Variants in MRPL43 observed in about 807,000 individuals in gnomAD.
The protein encoded by MRPL43 is mitochondrial ribosomal protein L43.
In MRPL43, 9 loss-of-function variants were observed where a neutral mutation model predicts 12.7. That is an observed-to-expected ratio of 0.71 (90% CI 0.43 to 1.24). The LOEUF (loss-of-function observed/expected upper bound fraction) is 1.24, where lower values mean the gene tolerates loss of function less well. Ranked by LOEUF, MRPL43 falls within the 50% of genes most tolerant of loss-of-function variation. MRPL43 has a pLI of 0.00. For missense variants in MRPL43, 211 were observed against 229.2 expected (o/e 0.92, Z 0.51); for synonymous variants, 116 against 96.4 (o/e 1.20, Z -1.19).
At chr10:100,979,760 G>C, downstream of MRPL43, 1 of 1,517,370 alleles carries the variant, frequency 6.6e-7, no homozygotes, top group Non-Finnish European at 9.0e-7. Context: ...GGTTGGCCAG[G>C]GTAACAGTGA....
At chr10:100,980,253 G>A (rs1182151325), downstream of MRPL43, 7 of 1,614,122 alleles carry the variant, frequency 4.3e-6, no homozygotes, top group Non-Finnish European at 5.9e-6. Context: ...GGCCCCTGCT[G>A]CTCAAGCGCA....
chr10:100,978,023 T>A, downstream of MRPL43: 1 of 571,794 alleles, frequency 1.7e-6, no homozygotes, highest in South Asian at 2.1e-5. Context: ...CAGCATGTGT[T>A]CCACAGGATG....
downstream of MRPL43, chr10:100,981,444 G>C (rs756459714): frequency 6.2e-7 from 1 of 1,614,140 alleles, no homozygotes; most frequent in Non-Finnish European, 8.5e-7. Context: ...GATGTGAAGT[G>C]TCTTGTCACT....
At chr10:100,983,528 C>A, downstream of MRPL43, 1 of 1,614,172 alleles carries the variant, frequency 6.2e-7, no homozygotes, top group Non-Finnish European at 8.5e-7. Flanking sequence ...AGGAAAATGG[C>A]CTCCGCACCC....
In MRPL43 at chr10:100,986,568, A is replaced by T. The variant is rs1851485588; in HGVS notation, c.*166T>A. On this transcript the variant is annotated 3_prime_UTR_variant, in exon 3 of 3. Coordinates refer to ENST00000318364, the MANE Select transcript of MRPL43 (RefSeq NM_032112.3). ...TCACAAGGTCACTGCCCCCAGAAGC[A>T]GGCACTGGAAAGAAACAGGCAGCTC... 4 of 1,578,850 alleles carry T rather than the reference A, an allele frequency of 2.5e-6. No homozygotes were observed. Among genetic ancestry groups the T allele is most frequent in the Non-Finnish European group, 3.4e-6 (4 of 1,162,594 alleles).
chr10:100,980,850 G>A, downstream of MRPL43: 2 of 1,595,074 alleles, frequency 1.3e-6, no homozygotes, highest in South Asian at 1.1e-5. Flanking sequence ...GCTCCTAGCG[G>A]AGTCATCCAG....
rs200237209 is a variant in MRPL43, at chr10:100,987,193, C to T, written c.135G>A (p.Glu45=). Residue 45 remains glutamate, a synonymous_variant, in exon 2 of 3, where the codon GAG becomes GAA. Transcript: ENST00000318364. ...RDGASSRGAR[E]FVEREVIDFA... ...AGTCGATCACCTCCCGCTCCACGAA[C>T]TCCCTAAGCGACCCGGGACAGTGAG... The T allele has an allele frequency of 6.2e-7, 1 of 1,613,892 alleles. No individual in the cohort carries two copies. The highest frequency in any genetic ancestry group is 1.1e-5 in the South Asian group (1 of 91,090).
chr10:100,982,208 AGCAGAGGGAGCAGCAG>A (rs1247074328), downstream of MRPL43, among the ~76,000 whole-genome samples: 1 of 151,964 alleles, frequency 6.6e-6, no homozygotes, highest in Admixed American at 6.6e-5. Flanking sequence ...GTGACATGCA[AGCAGAGGGAGCAGCAG>A]GCAGAGGGAG....
At chr10:100,983,525 T>C (rs754482102), downstream of MRPL43, 1 of 1,614,000 alleles carries the variant, frequency 6.2e-7, no homozygotes, top group East Asian at 2.2e-5. Flanking sequence ...CCGAGGAAAA[T>C]GGCCTCCGCA....
downstream of MRPL43, chr10:100,980,735 A>T: frequency 6.2e-7 from 1 of 1,607,658 alleles, no homozygotes; most frequent in Non-Finnish European, 8.5e-7. Flanking sequence ...TTGCTGAAAT[A>T]GGAAGAGGGA....
chr10:100,984,929 CAT>C, downstream of MRPL43: 9 of 1,442,426 alleles, frequency 6.2e-6, no homozygotes, highest in African/African-American at 1.4e-5. Flanking sequence ...TCCCCATGCA[CAT>C]GTGGTAACAC....
downstream of MRPL43, chr10:100,979,910 C>T (rs1399753855): frequency 1.9e-6 from 3 of 1,614,126 alleles, no homozygotes; most frequent in South Asian, 3.3e-5. Context: ...GCTGTCTTTG[C>T]AGGACCCTAT....
At chr10:100,981,671 G>T, downstream of MRPL43, 1 of 1,195,700 alleles carries the variant, frequency 8.4e-7, no homozygotes, top group Non-Finnish European at 1.2e-6. Flanking sequence ...TGAGAAAGGT[G>T]CCATTATTAT....
chr10:100,978,397 G>A, downstream of MRPL43: 1 of 1,611,914 alleles, frequency 6.2e-7, no homozygotes. Flanking sequence ...TGGTGAGCAG[G>A]CCTTCTTCCC....
chr10:100,981,024 A>C, downstream of MRPL43: 1 of 1,592,938 alleles, frequency 6.3e-7, no homozygotes, highest in South Asian at 1.1e-5. Context: ...GGTGACAGTC[A>C]CATGTGGTCT....
At chr10:100,983,454 G>A (rs374200198), downstream of MRPL43, 35 of 1,614,002 alleles carry the variant, frequency 2.2e-5, no homozygotes, top group Non-Finnish European at 2.7e-5. Context: ...CCGTGTGGGC[G>A]TGGACGGGCT....
chr10:100,986,427 CTG>C lies in MRPL43; in HGVS notation c.*305_*306del. ...CAGAAGCCAGCCTTCAGACCTCTCA[CTG>C]TGTTTTGAGATCATTATTATCAATT... On this transcript the variant is annotated 3_prime_UTR_variant, in exon 3 of 3. Coordinates refer to ENST00000318364, the MANE Select transcript of MRPL43 (RefSeq NM_032112.3). 7 of 1,504,720 alleles carry C rather than the reference CTG, an allele frequency of 4.7e-6. No homozygotes were observed. Among genetic ancestry groups the C allele is most frequent in the Non-Finnish European group, 6.2e-6 (7 of 1,128,386 alleles). 93.2% of individuals were successfully genotyped at this position (1,504,720 alleles called of 1,614,324 possible). A position where few individuals can be genotyped will look rare whatever the true frequency, so the allele number is the denominator to read the frequency against.
downstream of MRPL43, chr10:100,984,022 A>G: frequency 6.2e-7 from 1 of 1,613,580 alleles, no homozygotes; most frequent in Non-Finnish European, 8.5e-7. Context: ...AGGCAGAGCA[A>G]CAATGGAGTA....
Position 100,987,366 on chromosome 10 carries a change from C to T in MRPL43, c.78G>A (p.Leu26=). ...GGCTGACGCTGAAGCTCAGACGCTG[C>T]AGCTGCTGCACATAGCGACCCAGTC... is the stretch of plus-strand genomic sequence containing the variant. ...HNGLGRYVQQ[L]QRLSFSVSRD... is the part of the protein sequence containing the mutation. The change falls in exon 1 of 3, where the codon CTG becomes CTA. Residue 26 remains leucine (L), a synonymous_variant. Transcript: ENST00000318364. 6.2e-7 allele frequency: 1 copy of T among 1,612,628 alleles called. No homozygotes were observed. The highest frequency in any genetic ancestry group is 8.5e-7 in the Non-Finnish European group (1 of 1,179,920).
Sources: gnomAD v4.1 joint callset for allele counts (sites outside exome capture counted in the v4.1 genomes callset) on GRCh38, gnomAD v4.1.1 for gene constraint, MANE v1.5 for transcripts, NCBI Gene and HGNC (gene_info 2026-07-23, HGNC 2026-07-21) for gene names.